The following GRM7 variants were observed in gnomAD, a reference collection of about 807,000 sequenced individuals.
GRM7 encodes glutamate metabotropic receptor 7.
In GRM7, 35 loss-of-function variants were observed where a neutral mutation model predicts 84.5. The ratio of observed to expected loss-of-function variants is 0.41; its 90% CI spans 0.32 to 0.55. The LOEUF is 0.55. Ranked by LOEUF, GRM7 falls within the 20% of genes least tolerant of loss-of-function variation. The pLI is 0.19. For synonymous variants in GRM7, 487 were observed against 455.1 expected, an observed-to-expected ratio of 1.07 and a Z score of -0.89; for missense variants, 1,003 against 1,194.6, an observed-to-expected ratio of 0.84 and a Z score of 2.36.
chr3:7,560,788 G>T (rs981777145), intron 7 of GRM7, among the ~76,000 whole-genome samples: 17 of 152,090 alleles, frequency 1.1e-4, no homozygotes, highest in Non-Finnish European at 2.5e-4. Context: ...CTATTGGAAT[G>T]GTTGCCTTCA....
At chr3:6,997,616 G>A (rs532888715) in intron 1 of GRM7, among the ~76,000 whole-genome samples, 10 of 152,214 alleles carry the variant, frequency 6.6e-5, no homozygotes, top group Admixed American at 1.3e-4. Flanking sequence ...GGGATTATGG[G>A]AACTACAATT....
chr3:7,009,099 C>T (rs759290589), intron 1 of GRM7, among the ~76,000 whole-genome samples: 1 of 152,154 alleles, frequency 6.6e-6, no homozygotes, highest in Non-Finnish European at 1.5e-5. Flanking sequence ...CTTTCTTTAT[C>T]TCAAGACAAA....
At chr3:7,540,168 T>C (rs994647717) in intron 7 of GRM7, among the ~76,000 whole-genome samples, 2 of 152,184 alleles carry the variant, frequency 1.3e-5, no homozygotes, top group Admixed American at 6.5e-5. Context: ...GGAAACAGTT[T>C]TATATTTTTT....
intron 1 of GRM7, among the ~76,000 whole-genome samples, chr3:7,093,865 T>A (rs972943318): frequency 6.6e-6 from 1 of 152,140 alleles, no homozygotes; most frequent in Non-Finnish European, 1.5e-5. Flanking sequence ...GTTTTCTCAC[T>A]TAAAGTAGTA....
intron 1 of GRM7, among the ~76,000 whole-genome samples, chr3:6,894,865 G>T (rs1294979687): frequency 2.0e-5 from 3 of 152,116 alleles, no homozygotes; most frequent in Admixed American, 6.6e-5. Flanking sequence ...GTGCCTGGAA[G>T]GTATTGAAAC....
At chr3:7,738,495 T>C (rs1458846656) in intron 9 of GRM7, among the ~76,000 whole-genome samples, 3 of 152,202 alleles carry the variant, frequency 2.0e-5, no homozygotes, top group African/African-American at 7.2e-5. Context: ...ATCGTGATTT[T>C]AACTTAATCC....
At chr3:7,698,894 T>C (rs1046210181) in intron 9 of GRM7, among the ~76,000 whole-genome samples, 2 of 152,130 alleles carry the variant, frequency 1.3e-5, no homozygotes, top group Non-Finnish European at 2.9e-5. Context: ...CTGAAAGCTA[T>C]GGGAATGTAC....
chr3:7,192,856 T>G (rs1272418114), intron 2 of GRM7, among the ~76,000 whole-genome samples: 1 of 152,166 alleles, frequency 6.6e-6, no homozygotes, highest in East Asian at 1.9e-4. Context: ...CCTGTGCCTC[T>G]AACCCTGCAA....
At chr3:7,170,386 A>G (rs887819558) in intron 2 of GRM7, among the ~76,000 whole-genome samples, 2 of 152,152 alleles carry the variant, frequency 1.3e-5, no homozygotes, top group African/African-American at 2.4e-5. Flanking sequence ...GCACAGTTTC[A>G]GAGCTGCCAG....
At chr3:7,481,055 T>C (rs951021001) in intron 7 of GRM7, among the ~76,000 whole-genome samples, 2 of 151,688 alleles carry the variant, frequency 1.3e-5, no homozygotes, top group African/African-American at 4.9e-5. Context: ...AAGATTTTAT[T>C]GTAAATACAA....
chr3:7,625,645 G>C (rs1697574459), intron 8 of GRM7, among the ~76,000 whole-genome samples: 1 of 152,230 alleles, frequency 6.6e-6, no homozygotes, highest in Non-Finnish European at 1.5e-5. Context: ...TTCCAGCCTG[G>C]ATGACAGAGC....
chr3:7,637,521 C>A (rs1698153318), intron 8 of GRM7, among the ~76,000 whole-genome samples: 1 of 152,212 alleles, frequency 6.6e-6, no homozygotes, highest in Non-Finnish European at 1.5e-5. Context: ...CCTAAATTTC[C>A]AGAAGAAATC....
intron 5 of GRM7, among the ~76,000 whole-genome samples, chr3:7,438,750 G>A (rs147960706): frequency 1.3e-5 from 2 of 152,128 alleles, no homozygotes; most frequent in Non-Finnish European, 2.9e-5. Flanking sequence ...ATGTCAAAAG[G>A]TAAGAGAGCT....
At chr3:7,680,700 C>T (rs1048011734) in intron 9 of GRM7, 15 of 175,986 alleles carry the variant, frequency 8.5e-5, no homozygotes, top group Admixed American at 2.3e-4. Flanking sequence ...ATTTTGGAAG[C>T]GAAACTTTTT....
chr3:7,482,930 A>G (rs939336211), intron 7 of GRM7, among the ~76,000 whole-genome samples: 1 of 152,198 alleles, frequency 6.6e-6, no homozygotes, highest in Non-Finnish European at 1.5e-5. Context: ...GAGAGAAAAG[A>G]AAGAGCTAAC....
Position 7,415,011 on chromosome 3 carries a change from A to G in GRM7, c.1034-12A>G, listed in dbSNP as rs1261938518. 6.2e-7 allele frequency: 1 copy of G among 1,604,162 alleles called. No homozygotes were observed. The highest frequency in any genetic ancestry group is 8.5e-7 in the Non-Finnish European group (1 of 1,174,220). ...CCCGCAAGCAATGACCTTTTCATTTAACTCTGTTTAGGGTTTGATGCCTAC... is the reference window on the plus strand; with the variant it reads ...CCCGCAAGCAATGACCTTTTCATTTGACTCTGTTTAGGGTTTGATGCCTAC... On this transcript the variant is annotated splice_polypyrimidine_tract_variant and intron_variant, in intron 4 of 9. Transcript: ENST00000357716.
chr3:6,994,931 G>A (rs552500444), intron 1 of GRM7, among the ~76,000 whole-genome samples: 1 of 152,220 alleles, frequency 6.6e-6, no homozygotes, highest in South Asian at 2.1e-4. Flanking sequence ...AGTTCTTCAC[G>A]GGCTACACTT....
chr3:7,071,097 A>G (rs542459789), intron 1 of GRM7, among the ~76,000 whole-genome samples: 2 of 152,168 alleles, frequency 1.3e-5, no homozygotes, highest in South Asian at 4.1e-4. Flanking sequence ...GAGGTGAACA[A>G]AACTCCTTTA....
At chr3:7,087,742 T>C (rs929497210) in intron 1 of GRM7, among the ~76,000 whole-genome samples, 7 of 152,200 alleles carry the variant, frequency 4.6e-5, no homozygotes, top group East Asian at 3.9e-4. Context: ...GAGGACTCTG[T>C]AGCAAAAGGG....
Sources: gnomAD v4.1 joint callset for allele counts (sites outside exome capture counted in the v4.1 genomes callset) on GRCh38, gnomAD v4.1.1 for gene constraint, MANE v1.5 for transcripts, NCBI Gene and HGNC (gene_info 2026-07-23, HGNC 2026-07-21) for gene names.